Variants in HDAC5 observed in about 807,000 individuals in gnomAD.
HDAC5 encodes histone deacetylase 5.
In HDAC5, 25 loss-of-function variants were observed where a neutral mutation model predicts 133.3. The ratio of observed to expected loss-of-function variants is 0.19; its 90% confidence interval spans 0.14 to 0.26. HDAC5 has a LOEUF of 0.26. Among genes scored for constraint, HDAC5 ranks in the 10% least tolerant of loss-of-function variants. The pLI is 1.00. For synonymous variants in HDAC5, 589 were observed against 610.8 expected, an observed-to-expected ratio of 0.96 and a Z score of 0.53; for missense variants, 1,041 against 1,460.5, an observed-to-expected ratio of 0.71 and a Z score of 4.68.
intron 9 of HDAC5, 106 bp downstream of exon 9, chr17:44,092,066 T>G: frequency 1.0e-5 from 11 of 1,051,518 alleles, no homozygotes; most frequent in Non-Finnish European, 1.5e-5. Flanking sequence ...GGCAGAGAGG[T>G]CTCTGCTGGG....
chr17:44,091,664 A>G, intron 10 of HDAC5, 36 bp downstream of exon 10: 4 of 1,520,506 alleles, frequency 2.6e-6, no homozygotes, highest in Non-Finnish European at 3.5e-6. Flanking sequence ...TGACCTCAAC[A>G]CCAGAGGGAA....
In HDAC5 at chr17:44,087,414, T is replaced by C. The variant is rs569818619; in HGVS notation, c.1882A>G (p.Lys628Glu). The C allele has an allele frequency of 2.0e-6, 2 of 985,034 alleles. No individual in the cohort carries two copies. The highest frequency in any genetic ancestry group is 1.6e-5 in the African/African-American group (1 of 62,934). 61.0% of individuals were successfully genotyped at this position (985,034 alleles called of 1,614,324 possible). The change falls in exon 13 of 27, where the codon AAA (lysine) becomes GAA (glutamate). Residue 628 changes from lysine to glutamate, a missense_variant and splice_region_variant. Around this residue, in one of 9 missense-constraint regions of HDAC5, gnomAD observed 433 missense variants for 531.6 expected, o/e 0.81. Coordinates refer to ENST00000682912, the MANE Select transcript of HDAC5 (RefSeq NM_005474.5). ...CTGGGACCAGGGACGGGGCTCACTT[T>C]TTTGTATCCAGCACCAGGCTCCTCC... is the stretch of plus-strand genomic sequence containing the variant. ...DLEEPGAGYK[K>E]LFSDAQPLQP...
At chr17:44,080,010 C>T (rs1038651980) in intron 23 of HDAC5, 97 bp downstream of exon 23, 19 of 896,160 alleles carry the variant, frequency 2.1e-5, no homozygotes, top group African/African-American at 1.3e-4. Context: ...CTGCTTTCCC[C>T]GTCTGCTGCA....
chr17:44,091,564 C>T (rs1031347533), intron 10 of HDAC5, 72 bp from the exon 11 acceptor site: 8 of 1,484,876 alleles, frequency 5.4e-6, no homozygotes, highest in Admixed American at 2.3e-5. Context: ...CATCTACCCA[C>T]TATCTACCCC....
intron 2 of HDAC5, among the ~76,000 whole-genome samples, chr17:44,115,253 G>C (rs750591626): frequency 5.9e-5 from 9 of 152,200 alleles, no homozygotes; most frequent in Non-Finnish European, 8.8e-5. Flanking sequence ...GGAAAGAGGA[G>C]CAAGTGTTCA....
chr17:44,084,143 A>G (rs2143102355), intron 16 of HDAC5, among the ~76,000 whole-genome samples: 1 of 150,890 alleles, frequency 6.6e-6, no homozygotes, highest in Non-Finnish European at 1.5e-5. Flanking sequence ...AAGGCACCTC[A>G]ACTGCCACAG....
At chr17:44,114,437 TGGG>T (rs34078340) in intron 2 of HDAC5, among the ~76,000 whole-genome samples, 72 of 127,990 alleles carry the variant, frequency 5.6e-4, no homozygotes, top group Admixed American at 2.1e-3. Context: ...AGAGCAGGCG[TGGG>T]GGGGGGGGGC....
At chr17:44,083,345 G>A (rs2050488325) in intron 18 of HDAC5, among the ~76,000 whole-genome samples, 200 bp downstream of exon 18, 1 of 152,208 alleles carries the variant, frequency 6.6e-6, no homozygotes, top group Non-Finnish European at 1.5e-5. Flanking sequence ...ACACCCACGA[G>A]AGCACTGGGC....
chr17:44,123,348 C>T, intron 1 of HDAC5, 156 bp downstream of exon 1: 1 of 333,030 alleles, frequency 3.0e-6, no homozygotes, highest in Non-Finnish European at 5.4e-6. Context: ...TCCCGGGGGG[C>T]GCCGGCTGGC....
chr17:44,078,370 G>T lies in HDAC5; in HGVS notation c.*6C>A, dbSNP rs750462188. 1.3e-6 allele frequency: 2 copies of T among 1,522,334 alleles called. No individual in the cohort carries two copies. The highest frequency in any genetic ancestry group is 2.8e-5 in the African/African-American group (2 of 71,634). The allele number at this position is 1,522,334 out of a possible 1,614,324, so 94.3% of individuals were successfully genotyped here. A position where few individuals can be genotyped will look rare whatever the true frequency, so the allele number is the denominator to read the frequency against. ...GGTGAAGCCCAGAGGGATGGGGGCC[G>T]GGGCGTCACAGGGCAGGCTCCTGCT... On this transcript the variant is annotated 3_prime_UTR_variant, in exon 27 of 27. Transcript: ENST00000682912.
chr17:44,091,420 G>A lies in HDAC5; in HGVS notation c.1237C>T (p.Leu413=). The change falls in exon 11 of 27, where the codon CTG becomes TTG. Residue 413 remains leucine, a synonymous_variant. Transcript: ENST00000682912. ...GATGTGCTCATGAACTTGCCGGTCAGCGTGCCACCCTGCCGCAGGGACTGG... is the reference window on the plus strand; with the variant it reads ...GATGTGCTCATGAACTTGCCGGTCAACGTGCCACCCTGCCGCAGGGACTGG... ...ALQSLRQGGT[L]TGKFMSTSSI... 3.2e-6 allele frequency: 5 copies of A among 1,559,684 alleles called. No individual in the cohort carries two copies. Among genetic ancestry groups the A allele is most frequent in the Non-Finnish European group, 4.3e-6 (5 of 1,152,630 alleles).
chr17:44,079,372 T>C (rs1341026458), intron 23 of HDAC5, 95 bp from the exon 24 acceptor site: 3 of 1,293,496 alleles, frequency 2.3e-6, no homozygotes, highest in South Asian at 1.4e-5. Context: ...CCAGGCGCGG[T>C]GGCTCACGCC....
chr17:44,082,291 C>T (rs2050431931), intron 20 of HDAC5: 2 of 452,984 alleles, frequency 4.4e-6, no homozygotes, highest in Non-Finnish European at 4.0e-6. Context: ...ATGGCGGCAG[C>T]GTCACTACCG....
chr17:44,117,411 A>T lies in HDAC5; in HGVS notation c.22+83T>A. ...CCTTATAGCTCAGACAGTAAAGGTCAGCTGGCCTGGAAGGGAAACCCACAC... is the reference window on the plus strand; with the variant it reads ...CCTTATAGCTCAGACAGTAAAGGTCTGCTGGCCTGGAAGGGAAACCCACAC... On this transcript the variant is annotated intron_variant, in intron 2 of 26. Coordinates refer to ENST00000682912, the MANE Select transcript of HDAC5 (RefSeq NM_005474.5). This position sits in a 1 kb window ranked among gnomAD's most constrained non-coding sequence, Gnocchi z 4.2. The T allele has an allele frequency of 6.9e-7, 1 of 1,441,440 alleles. No individual in the cohort carries two copies. Among genetic ancestry groups the T allele is most frequent in the Non-Finnish European group, 9.8e-7 (1 of 1,022,442 alleles). 89.3% of individuals were successfully genotyped at this position (1,441,440 alleles called of 1,614,324 possible).
chr17:44,097,844 A>C (rs965644963), intron 3 of HDAC5, among the ~76,000 whole-genome samples: 4 of 152,384 alleles, frequency 2.6e-5, no homozygotes, highest in Admixed American at 2.6e-4. Context: ...AGCCCTGCAG[A>C]GAGCACATGG....
Position 44,078,509 on chromosome 17 carries a change from T to G in HDAC5, c.3320A>C (p.His1107Pro). 6.2e-7 allele frequency: 1 copy of G among 1,608,434 alleles called. No individual in the cohort carries two copies. Among genetic ancestry groups the G allele is most frequent in the East Asian group, 2.2e-5 (1 of 44,782 alleles). The change falls in exon 26 of 27, where the codon CAC becomes CCC. Residue 1107 changes from histidine (H) to proline (P), a missense_variant. Around this residue, in one of 9 missense-constraint regions of HDAC5, gnomAD observed 95 missense variants for 107.3 expected, o/e 0.88. Coordinates refer to ENST00000682912, the MANE Select transcript of HDAC5 (RefSeq NM_005474.5). ...EQAQAAAARE[H>P]SPRPAEEPME... ...GCGGGTTGCTGCTTACCTGGGGCTG[T>G]GTTCCCGGGCTGCCGCAGCCTGGGC...
rs1453846509 is a variant in HDAC5, at chr17:44,091,395, G to A, written c.1262C>T (p.Ser421Phe). Reference protein sequence around the residue: ...GTLTGKFMSTSSIPGCLLGVA... With the variant: ...GTLTGKFMSTFSIPGCLLGVA... ...GCCCAGCAGGCAGCCAGGAATAGAG[G>A]ATGTGCTCATGAACTTGCCGGTCAG... The change falls in exon 11 of 27, where the codon TCC becomes TTC. Residue 421 changes from serine to phenylalanine, a missense_variant. Ser to Phe is a radical substitution (Grantham distance 155). Transcript: ENST00000682912. 6.3e-7 allele frequency: 1 copy of A among 1,578,766 alleles called. No individual in the cohort carries two copies. Among genetic ancestry groups the A allele is most frequent in the Admixed American group, 1.8e-5 (1 of 56,502 alleles).
At position 44,087,634 on chromosome 17, in the gene HDAC5, C is replaced by T. The variant is rs1016007968; in HGVS notation, c.1662G>A (p.Glu554=). The part of the protein sequence containing the change: ...QPTTHPEETE[E]ELTEQQEVLL... The stretch of plus-strand genomic sequence containing the variant: ...AGACCTCCTGCTGCTCCGTCAGCTC[C>T]TCCTCTGTCTCCTCAGGGTGGGTGG... The change falls in exon 13 of 27, where the codon GAG becomes GAA. Residue 554 remains glutamate (E), a synonymous_variant. Transcript: ENST00000682912. 1 of 1,613,278 alleles carries T rather than the reference C, an allele frequency of 6.2e-7. No homozygotes were observed. The highest frequency in any genetic ancestry group is 8.5e-7 in the Non-Finnish European group (1 of 1,179,558).
chr17:44,092,539 G>A lies in HDAC5; in HGVS notation c.773-12C>T, dbSNP rs778803648. Reference sequence around the variant, plus strand: ...GTTGGGTTCAGAGGCTGGAGAGAAGGTAACCGAGGTTCAGATACGCGCACA... The same window carrying A: ...GTTGGGTTCAGAGGCTGGAGAGAAGATAACCGAGGTTCAGATACGCGCACA... On this transcript the variant is annotated splice_polypyrimidine_tract_variant and intron_variant, in intron 7 of 26. Transcript: ENST00000682912. The A allele has an allele frequency of 2.2e-5, 36 of 1,610,120 alleles. No individual in the cohort carries two copies. Among genetic ancestry groups the A allele is most frequent in the Non-Finnish European group, 2.9e-5 (34 of 1,177,010 alleles).
Sources: allele counts gnomAD v4.1 joint callset (sites outside exome capture counted in the v4.1 genomes callset), GRCh38; gene constraint gnomAD v4.1.1; regional missense constraint gnomAD v4.1.1; non-coding constraint Gnocchi (gnomAD v3.1); transcripts MANE v1.5; gene names NCBI Gene and HGNC (gene_info 2026-07-23, HGNC 2026-07-21).